DNTTIP1: variants seen among roughly 807,000 people sequenced by gnomAD.
The protein encoded by DNTTIP1 is deoxynucleotidyltransferase terminal interacting protein 1.
Under a neutral mutation model 52.9 loss-of-function variants are expected in DNTTIP1, and 22 were observed. That is an observed-to-expected ratio of 0.42 (90% CI 0.30 to 0.59). DNTTIP1 has a LOEUF of 0.59. Ranked by LOEUF, DNTTIP1 falls within the 20% of genes least tolerant of loss-of-function variation. The probability of loss-of-function intolerance (pLI) is 0.22; values close to 1 mark genes in which losing one functional copy is unlikely to be tolerated. For synonymous variants in DNTTIP1, 136 were observed against 155.1 expected, an observed-to-expected ratio of 0.88 and a Z score of 0.92; for missense variants, 286 against 435.5, an observed-to-expected ratio of 0.66 and a Z score of 3.06.
chr20:45,794,112 G>T, intron 3 of DNTTIP1, 95 bp downstream of exon 3: 2 of 659,096 alleles, frequency 3.0e-6, no homozygotes, highest in Non-Finnish European at 4.9e-6. Flanking sequence ...CCTACATACA[G>T]ATATCTAAAG....
chr20:45,792,030 A>C lies in DNTTIP1; in HGVS notation c.26A>C (p.Gln9Pro), dbSNP rs751151234. 7.8e-7 allele frequency: 1 copy of C among 1,274,108 alleles called. No individual in the cohort carries two copies. Among genetic ancestry groups the C allele is most frequent in the Non-Finnish European group, 9.9e-7 (1 of 1,009,058 alleles). The allele number at this position is 1,274,108 out of a possible 1,614,324, so 78.9% of individuals were successfully genotyped here. The change falls in exon 1 of 13, where the codon CAG (glutamine) becomes CCG (proline). Residue 9 changes from glutamine (Q) to proline (P), a missense_variant. Physicochemically the swap from Gln to Pro is moderately conservative, Grantham distance 76. Transcript: ENST00000372622. ...ATGGGAGCCACTGGCGACGCCGAGCAGCCGCGGGGACCTAGCGGGGCCGAG... is the reference window on the plus strand; with the variant it reads ...ATGGGAGCCACTGGCGACGCCGAGCCGCCGCGGGGACCTAGCGGGGCCGAG... MGATGDAE[Q>P]PRGPSGAERG...
chr20:45,803,277 A>G (rs1034064185), intron 7 of DNTTIP1, 56 bp from the exon 8 acceptor site: 5 of 1,572,350 alleles, frequency 3.2e-6, no homozygotes, highest in Non-Finnish European at 4.4e-6. Flanking sequence ...GCAAGCTGGC[A>G]TTTAGTCCTA....
chr20:45,795,413 C>T lies in DNTTIP1; in HGVS notation c.342C>T (p.Ile114=). The T allele has an allele frequency of 1.2e-6, 2 of 1,610,784 alleles. No individual in the cohort carries two copies. The highest frequency in any genetic ancestry group is 1.7e-4 in the Middle Eastern group (1 of 6,058). The change falls in exon 4 of 13, where the codon ATC becomes ATT. Residue 114 remains isoleucine, a synonymous_variant. Coordinates refer to ENST00000372622, the MANE Select transcript of DNTTIP1 (RefSeq NM_052951.3). ...VGEEVDAEQL[I]QEACRSCLEQ... is the part of the protein sequence containing the mutation. ...AGGAGGTGGACGCAGAGCAGCTGAT[C>T]CAGGAAGCCTGTCGGAGCTGCCTGG...
At chr20:45,796,525 T>C (rs1462810400) in intron 4 of DNTTIP1, 3 of 471,070 alleles carry the variant, frequency 6.4e-6, no homozygotes, top group Non-Finnish European at 1.3e-5. Context: ...GCTGCCTCCC[T>C]GCCTCTCTGG....
rs112564804 is a variant in DNTTIP1 at position 45,810,161 on chromosome 20, A to G, written c.796-724A>G. Among the ~76,000 whole-genome samples the G allele has an allele frequency of 3.1e-3, 470 of 152,308 alleles. 4 individuals are homozygous for G. The highest frequency in any genetic ancestry group is 0.011 in the African/African-American group (454 of 41,568). On this transcript the variant is annotated intron_variant, in intron 11 of 12. Transcript: ENST00000372622. ...TCATAGTGCCCATAAGATGTAGACA[A>G]ATTACTCAAGGAATACACAATTATT...
At chr20:45,803,934 C>T (rs1354825610) in intron 8 of DNTTIP1, among the ~76,000 whole-genome samples, 1 of 152,204 alleles carries the variant, frequency 6.6e-6, no homozygotes, top group African/African-American at 2.4e-5. Context: ...TTGCCTCCCT[C>T]TCTCTCCTGA....
At chr20:45,805,024 G>A in intron 8 of DNTTIP1, 122 bp from the exon 9 acceptor site, 1 of 864,758 alleles carries the variant, frequency 1.2e-6, no homozygotes, top group East Asian at 2.4e-5. Flanking sequence ...CAGTGTCTTG[G>A]GTCAACTGTT....
intron 4 of DNTTIP1, among the ~76,000 whole-genome samples, chr20:45,796,225 A>G (rs75244080): frequency 1.3e-5 from 2 of 152,342 alleles, no homozygotes; most frequent in East Asian, 3.9e-4. Flanking sequence ...AAGTGTCCAC[A>G]CACAAAATGG....
rs138125613 is a variant in DNTTIP1 at position 45,796,476 on chromosome 20, TATC to T, written c.372+1036_372+1038del. 6.2e-3 allele frequency: 2,941 copies of T among 471,086 alleles called. 79 individuals are homozygous for T. Among genetic ancestry groups the T allele is most frequent in the African/African-American group, 0.054 (2,719 of 50,156 alleles). The allele number at this position is 471,086 out of a possible 1,614,324, so 29.2% of individuals were successfully genotyped here. ...CCTGCAGGTGCGTGGTGGATCAAGTTATCATGGCCCCATTTGGTATCATGGGGA... is the reference window on the plus strand; with the variant it reads ...CCTGCAGGTGCGTGGTGGATCAAGTTATGGCCCCATTTGGTATCATGGGGA... On this transcript the variant is annotated intron_variant, in intron 4 of 12. Transcript: ENST00000372622.
chr20:45,805,626 G>T (rs1174333899), intron 10 of DNTTIP1, among the ~76,000 whole-genome samples: 1 of 152,062 alleles, frequency 6.6e-6, no homozygotes, highest in Non-Finnish European at 1.5e-5. Context: ...TAAAAAATAA[G>T]TATTGCCATC....
chr20:45,810,834 T>C, intron 11 of DNTTIP1, 51 bp from the exon 12 acceptor site: 1 of 1,534,874 alleles, frequency 6.5e-7, no homozygotes, highest in Non-Finnish European at 9.0e-7. Context: ...TGTTACTGAG[T>C]TGGAGTGAAA....
chr20:45,796,719 A>C (rs552119890), intron 4 of DNTTIP1: 17 of 359,512 alleles, frequency 4.7e-5, no homozygotes, highest in Non-Finnish European at 8.4e-5. Context: ...CATTCTCTTC[A>C]CTTTGTTTTC....
rs576658066 is a variant in DNTTIP1, at chr20:45,811,293, C to T, written c.*98C>T. ...GGGACTGCTCCTAGATGGATCTCAG[C>T]GGCATTAAGCTGTGCCTGAGCGAGT... On this transcript the variant is annotated 3_prime_UTR_variant, in exon 13 of 13. Transcript: ENST00000372622. The T allele has an allele frequency of 1.1e-5, 16 of 1,412,836 alleles. No homozygotes were observed. The highest frequency in any genetic ancestry group is 5.7e-5 in the African/African-American group (4 of 69,872). 87.5% of individuals were successfully genotyped at this position (1,412,836 alleles called of 1,614,324 possible).
At position 45,811,299 on chromosome 20, in the gene DNTTIP1, T is replaced by A; in HGVS notation, c.*104T>A. On this transcript the variant is annotated 3_prime_UTR_variant, in exon 13 of 13. Coordinates refer to ENST00000372622, the MANE Select transcript of DNTTIP1 (RefSeq NM_052951.3). Reference sequence around the variant, plus strand: ...GCTCCTAGATGGATCTCAGCGGCATTAAGCTGTGCCTGAGCGAGTTTGTAG... The same window carrying A: ...GCTCCTAGATGGATCTCAGCGGCATAAAGCTGTGCCTGAGCGAGTTTGTAG... 7.2e-7 allele frequency: 1 copy of A among 1,386,738 alleles called. No individual in the cohort carries two copies. Among genetic ancestry groups the A allele is most frequent in the Non-Finnish European group, 9.7e-7 (1 of 1,029,398 alleles). 85.9% of individuals were successfully genotyped at this position (1,386,738 alleles called of 1,614,324 possible). A position where few individuals can be genotyped will look rare whatever the true frequency, so the allele number is the denominator to read the frequency against.
intron 3 of DNTTIP1, among the ~76,000 whole-genome samples, 176 bp from the exon 4 acceptor site, chr20:45,795,169 A>G (rs762583391): frequency 5.9e-5 from 9 of 152,188 alleles, no homozygotes; most frequent in Admixed American, 2.0e-4. Context: ...GGGGGAATAA[A>G]GGGAGGAGGT....
intron 10 of DNTTIP1, among the ~76,000 whole-genome samples, chr20:45,805,848 C>T (rs973871537): frequency 1.3e-5 from 2 of 152,156 alleles, no homozygotes; most frequent in African/African-American, 4.8e-5. Context: ...CTTTGGGAGG[C>T]CAAGGCGGGT....
chr20:45,800,823 G>A (rs1308470262), intron 4 of DNTTIP1, among the ~76,000 whole-genome samples: 1 of 144,526 alleles, frequency 6.9e-6, no homozygotes, highest in Admixed American at 6.9e-5. Flanking sequence ...GTGAAATCCC[G>A]TCTCTTCCAA....
At chr20:45,802,706 G>T (rs1981514761) in intron 7 of DNTTIP1, among the ~76,000 whole-genome samples, 1 of 152,092 alleles carries the variant, frequency 6.6e-6, no homozygotes, top group South Asian at 2.1e-4. Context: ...TATTGTACAT[G>T]AACTTAGACA....
chr20:45,804,261 C>T (rs569433741), intron 8 of DNTTIP1, among the ~76,000 whole-genome samples: 2 of 152,134 alleles, frequency 1.3e-5, no homozygotes, highest in African/African-American at 4.8e-5. Context: ...TCATCTTTGC[C>T]TCCTCCTCCT....
Sources: gnomAD v4.1 joint callset for allele counts (sites outside exome capture counted in the v4.1 genomes callset) on GRCh38, gnomAD v4.1.1 for gene constraint, MANE v1.5 for transcripts, NCBI Gene and HGNC (gene_info 2026-07-23, HGNC 2026-07-21) for gene names.